Variants in SRRM4 observed in about 807,000 individuals in gnomAD.
SRRM4 encodes serine/arginine repetitive matrix 4.
SRRM4 carries 33 observed loss-of-function variants against 68.9 expected under a neutral mutation model. The observed-to-expected ratio is 0.48, with a 90% CI of 0.36 to 0.64. The LOEUF is 0.64. Ranked by LOEUF, SRRM4 falls within the 30% of genes least tolerant of loss-of-function variation. The pLI, the probability that SRRM4 is intolerant of heterozygous loss-of-function variation, is 0.00. For synonymous variants in SRRM4, 318 were observed against 318.8 expected (o/e 1.00, Z 0.03); for missense variants, 817 against 827.1 (o/e 0.99, Z 0.15).
chr12:119,138,965 C>A (rs1455036479), intron 8 of SRRM4, among the ~76,000 whole-genome samples: 1 of 152,078 alleles, frequency 6.6e-6, no homozygotes, highest in African/African-American at 2.4e-5. Context: ...GTCCTGGGTA[C>A]CTGGAGGGCA....
intron 1 of SRRM4, chr12:119,037,073 T>C (rs1953632783): frequency 6.6e-6 from 1 of 151,970 alleles, no homozygotes. Flanking sequence ...CCAAGAGAGG[T>C]CCACGCCCCC....
rs758240290 is a variant in SRRM4 at position 119,156,637 on chromosome 12, C to T, written c.1675C>T (p.Arg559Trp). The change falls in exon 13 of 13, where the codon CGG (arginine) becomes TGG (tryptophan). Residue 559 changes from arginine to tryptophan, a missense_variant. Transcript: ENST00000267260. ...YSRSRSRSRS[R>W]RRSRTRTSSS... ...CCGGAGCCGGAGTCGGAGCCGGAGC[C>T]GGAGACGGAGCCGGACCCGCACGAG... 1.9e-6 allele frequency: 3 copies of T among 1,596,216 alleles called. No individual in the cohort carries two copies. The highest frequency in any genetic ancestry group is 2.2e-4 in the Middle Eastern group (1 of 4,456).
intron 5 of SRRM4, 117 bp from the exon 6 acceptor site, chr12:119,121,953 A>T (rs886372728): frequency 7.1e-6 from 5 of 704,256 alleles, no homozygotes; most frequent in Non-Finnish European, 1.3e-5. Flanking sequence ...TGAGGCAATG[A>T]TCAGTGTCCA....
At chr12:118,999,187 G>A (rs1953368277) in intron 1 of SRRM4, among the ~76,000 whole-genome samples, 1 of 152,312 alleles carries the variant, frequency 6.6e-6, no homozygotes, top group Non-Finnish European at 1.5e-5. Flanking sequence ...AGGCTATGCA[G>A]GCACATTTCA....
chr12:119,054,171 C>T (rs1953762865), intron 1 of SRRM4, among the ~76,000 whole-genome samples: 3 of 152,192 alleles, frequency 2.0e-5, no homozygotes, highest in South Asian at 2.1e-4. Flanking sequence ...TTTCACTTAA[C>T]GTAATGATCT....
intron 7 of SRRM4, among the ~76,000 whole-genome samples, chr12:119,128,331 G>A (rs1199847853): frequency 2.6e-5 from 4 of 152,116 alleles, no homozygotes; most frequent in Non-Finnish European, 4.4e-5. Flanking sequence ...CCTCGGTCTA[G>A]TCCTCCCTCT....
At chr12:119,089,508 TCTC>T (rs1363123260) in intron 1 of SRRM4, among the ~76,000 whole-genome samples, 5 of 152,108 alleles carry the variant, frequency 3.3e-5, no homozygotes, top group Non-Finnish European at 5.9e-5. Context: ...AAGCCAGACA[TCTC>T]CTCTCTCCAG....
At chr12:119,088,699 C>T (rs1953995023) in intron 1 of SRRM4, among the ~76,000 whole-genome samples, 1 of 150,884 alleles carries the variant, frequency 6.6e-6, no homozygotes, top group African/African-American at 2.4e-5. Flanking sequence ...AGTGGGGGGC[C>T]ACAAAAGGAG....
chr12:118,992,495 TG>T (rs891943268), intron 1 of SRRM4, among the ~76,000 whole-genome samples: 99 of 152,348 alleles, frequency 6.5e-4, no homozygotes, highest in African/African-American at 2.2e-3. Flanking sequence ...AAAGGGCTTT[TG>T]TTTGGCCAGT....
intron 1 of SRRM4, among the ~76,000 whole-genome samples, chr12:119,100,489 C>CAAA (rs550298668): frequency 4.4e-4 from 63 of 143,524 alleles, no homozygotes; most frequent in Admixed American, 2.0e-3. Context: ...GACTCTGCCT[C>CAAA]AAAAAAAAAA....
chr12:119,153,634 G>A lies in SRRM4; in HGVS notation c.1376G>A (p.Arg459His). Reference protein sequence around the residue: ...SRSRRSPSYSRYSPSRERDPK... With the variant: ...SRSRRSPSYSHYSPSRERDPK... ...TCCCGCCGCAGCCCTAGCTACTCCC[G>A]CTACAGCCCCAGCAGGTACCGGCCC... The change falls in exon 11 of 13, where the codon CGC (arginine) becomes CAC (histidine). Residue 459 changes from arginine to histidine, a missense_variant. Arg to His is a conservative substitution (Grantham distance 29, BLOSUM62 0). Coordinates refer to ENST00000267260, the MANE Select transcript of SRRM4 (RefSeq NM_194286.4). The A allele has an allele frequency of 2.6e-6, 4 of 1,557,278 alleles. No homozygotes were observed. The highest frequency in any genetic ancestry group is 1.7e-6 in the Non-Finnish European group (2 of 1,152,456).
intron 10 of SRRM4, 77 bp from the exon 11 acceptor site, chr12:119,153,462 G>A (rs1954451455): frequency 2.0e-6 from 2 of 980,618 alleles, no homozygotes; most frequent in Non-Finnish European, 3.1e-6. Flanking sequence ...GGGACCCGCT[G>A]AATAAAGCTC....
At chr12:119,066,330 A>C (rs985707073) in intron 1 of SRRM4, among the ~76,000 whole-genome samples, 1 of 152,252 alleles carries the variant, frequency 6.6e-6, no homozygotes, top group Non-Finnish European at 1.5e-5. Context: ...GATGGAAAGA[A>C]AAAACCTCAA....
intron 12 of SRRM4, among the ~76,000 whole-genome samples, chr12:119,156,292 C>A (rs1438244706): frequency 6.6e-6 from 1 of 152,186 alleles, no homozygotes; most frequent in Non-Finnish European, 1.5e-5. Context: ...GTGAGATAAT[C>A]ATTTTTCAAG....
chr12:119,028,800 C>G (rs1267542764), intron 1 of SRRM4, among the ~76,000 whole-genome samples: 1 of 152,294 alleles, frequency 6.6e-6, no homozygotes, highest in Middle Eastern at 3.4e-3. Context: ...GCAGGAGAGA[C>G]TTTTTGGAAG....
Position 119,102,322 on chromosome 12 carries a change from G to A in SRRM4, c.218G>A (p.Gly73Asp), listed in dbSNP as rs543604828. The A allele has an allele frequency of 1.2e-6, 2 of 1,613,586 alleles. No homozygotes were observed. The highest frequency in any genetic ancestry group is 2.7e-5 in the African/African-American group (2 of 75,030). ...LGQHLATEPLGTNSWERDKTC... is the reference protein window; with the variant it reads ...LGQHLATEPLDTNSWERDKTC... Reference sequence around the variant, plus strand: ...CAGCATCTGGCCACCGAGCCCTTGGGCACCAACAGTTGGGAGAGAGACAAG... The same window carrying A: ...CAGCATCTGGCCACCGAGCCCTTGGACACCAACAGTTGGGAGAGAGACAAG... Residue 73 changes from glycine (G) to aspartate (D), a missense_variant, in exon 2 of 13, where the codon GGC becomes GAC. Gly to Asp is a moderately conservative substitution (Grantham distance 94). Coordinates refer to ENST00000267260, the MANE Select transcript of SRRM4 (RefSeq NM_194286.4).
intron 1 of SRRM4, among the ~76,000 whole-genome samples, chr12:118,984,632 C>T (rs567444223): frequency 6.6e-6 from 1 of 152,296 alleles, no homozygotes; most frequent in African/African-American, 2.4e-5. Flanking sequence ...AACATATATT[C>T]AATTCATTGA....
rs1174251452 is a variant in SRRM4, at chr12:119,158,964, G to GTTTTT, written c.*2170_*2171insTTTTT. ...TATTGAATTATTTATTTATACAGAG[G>GTTTTT]TTTTGTGTGTGTGTGTGTGTGTGTG... On this transcript the variant is annotated 3_prime_UTR_variant, in exon 13 of 13. Coordinates refer to ENST00000267260, the MANE Select transcript of SRRM4 (RefSeq NM_194286.4). 3 of 129,766 alleles carry GTTTTT rather than the reference G, an allele frequency of 2.3e-5. No homozygotes were observed. The South Asian group carries it at 7.9e-4, about 34-fold the overall frequency. The allele number at this position is 129,766 out of a possible 1,614,324, so 8.0% of individuals were successfully genotyped here.
chr12:119,082,472 AT>A (rs1462200248), intron 1 of SRRM4, among the ~76,000 whole-genome samples: 2 of 152,076 alleles, frequency 1.3e-5, no homozygotes, highest in African/African-American at 2.4e-5. Flanking sequence ...TGTGCTCGTG[AT>A]TTCCCCCCCT....
Sources: gnomAD v4.1 joint callset for allele counts (sites outside exome capture counted in the v4.1 genomes callset) on GRCh38, gnomAD v4.1.1 for gene constraint, MANE v1.5 for transcripts, NCBI Gene and HGNC (gene_info 2026-07-23, HGNC 2026-07-21) for gene names.